Variants in ZNF587B observed in about 807,000 individuals in gnomAD.
ZNF587B encodes the protein zinc finger protein 587B.
In ZNF587B, 6 loss-of-function variants were observed where a neutral mutation model predicts 7.2. The ratio of observed to expected loss-of-function variants is 0.83; its 90% CI spans 0.46 to 1.65. The LOEUF is 1.65. Ranked by LOEUF, ZNF587B falls within the 40% of genes most tolerant of loss-of-function variation. ZNF587B has a pLI of 0.01. For synonymous variants in ZNF587B, 274 were observed against 254.3 expected, an observed-to-expected ratio of 1.08 and a Z score of -0.74; for missense variants, 749 against 761.0, an observed-to-expected ratio of 0.98 and a Z score of 0.19.
chr19:57,837,794 A>G (rs967058054), intron 1 of ZNF587B, among the ~76,000 whole-genome samples: 15 of 151,948 alleles, frequency 9.9e-5, no homozygotes, highest in African/African-American at 3.6e-4. Context: ...TATATTGGCC[A>G]GGCTGGTCTC....
intron 1 of ZNF587B, among the ~76,000 whole-genome samples, chr19:57,838,700 C>CTGGA (rs1193847060): frequency 1.3e-5 from 2 of 152,110 alleles, no homozygotes; most frequent in Non-Finnish European, 2.9e-5. Context: ...TGGAATGTAC[C>CTGGA]TGGAAGTCTA....
At position 57,841,480 on chromosome 19, in the gene ZNF587B, C is replaced by T. The variant is rs372587053; in HGVS notation, c.806C>T (p.Pro269Leu). The T allele has an allele frequency of 1.3e-5, 21 of 1,585,630 alleles. No homozygotes were observed. The South Asian group carries it at 2.0e-4, about 15-fold the overall frequency. The stretch of plus-strand genomic sequence containing the variant: ...CAGAGAGTTCACAGTGGAAAAAGAC[C>T]TTATGAATGTGGAGAATGTGAGAAA... ...NHQRVHSGKRPYECGECEKSF... is the reference protein window; with the variant it reads ...NHQRVHSGKRLYECGECEKSF... Residue 269 changes from proline to leucine, a missense_variant, in exon 3 of 3, where the codon CCT (proline) becomes CTT (leucine). This residue lies in a region of ZNF587B where 656 missense variants were observed against 596.5 expected (regional missense o/e 1.10). Transcript: ENST00000594901.
Position 57,843,499 on chromosome 19 carries a change from C to T in ZNF587B, c.*923C>T, listed in dbSNP as rs75222006. The T allele has an allele frequency of 0.017, 16,360 of 984,046 alleles. 300 individuals carry two copies. The highest frequency in any genetic ancestry group is 0.084 in the African/African-American group (4,772 of 56,806). The allele number at this position is 984,046 out of a possible 1,614,324, so 61.0% of individuals were successfully genotyped here. ...CCCACATTGCATCATTCACCTATTT[C>T]GTATTCTAGAAGTATATTTTGGTTG... On this transcript the variant is annotated 3_prime_UTR_variant, in exon 3 of 3. Coordinates refer to ENST00000594901, the MANE Select transcript of ZNF587B (RefSeq NM_001376223.1).
chr19:57,831,786 C>G (rs576725483), intron 1 of ZNF587B, among the ~76,000 whole-genome samples: 97 of 148,690 alleles, frequency 6.5e-4, no homozygotes, highest in African/African-American at 2.3e-3. Context: ...CTCACTGCAA[C>G]CTCCGCCTGC....
intron 1 of ZNF587B, among the ~76,000 whole-genome samples, chr19:57,831,313 A>G (rs1043665477): frequency 1.3e-5 from 2 of 152,246 alleles, no homozygotes; most frequent in Non-Finnish European, 2.9e-5. Context: ...AAGGTTGGGC[A>G]TTACATCACA....
Position 57,843,211 on chromosome 19 carries a change from C to T in ZNF587B, c.*635C>T, listed in dbSNP as rs966015261. On this transcript the variant is annotated 3_prime_UTR_variant, in exon 3 of 3. Transcript: ENST00000594901. ...TTTTACCATGTTTCCAGGCTGGTAT[C>T]GAACTCCTGAGCTCAAGCAATCTGT... 15 of 800,474 alleles carry T rather than the reference C, an allele frequency of 1.9e-5. No homozygotes were observed. The highest frequency in any genetic ancestry group is 6.4e-4 in the Middle Eastern group (1 of 1,574). 49.6% of individuals were successfully genotyped at this position (800,474 alleles called of 1,614,324 possible).
chr19:57,837,162 C>T (rs1259808019), intron 1 of ZNF587B, among the ~76,000 whole-genome samples: 3 of 152,090 alleles, frequency 2.0e-5, no homozygotes, highest in Non-Finnish European at 4.4e-5. Flanking sequence ...GCTTGCATGC[C>T]ATGGCCGTGG....
chr19:57,840,201 A>G (rs1988786551), intron 2 of ZNF587B, among the ~76,000 whole-genome samples: 1 of 151,448 alleles, frequency 6.6e-6, no homozygotes, highest in African/African-American at 2.4e-5. Flanking sequence ...TTGTGGCAAG[A>G]GAAGTAGGCA....
At chr19:57,838,172 T>C (rs1988700387) in intron 1 of ZNF587B, among the ~76,000 whole-genome samples, 2 of 151,400 alleles carry the variant, frequency 1.3e-5, no homozygotes, top group African/African-American at 2.4e-5. Flanking sequence ...CCAGGTGTGG[T>C]GGTGCACACC....
chr19:57,843,824 ACTC>A lies in ZNF587B; in HGVS notation c.*1251_*1253del, dbSNP rs1988974093. 9.5e-5 allele frequency among the ~76,000 whole-genome samples: 14 copies of A among 147,208 alleles called. 1 individual carries two copies. The South Asian group carries it at 3.0e-3, about 32-fold the overall frequency. ...ACTATGTTGGTCAAACTGATCTTGA[ACTC>A]CTAACCTCGTGATCCACCTGCCTTG... On this transcript the variant is annotated 3_prime_UTR_variant, in exon 3 of 3. Transcript: ENST00000594901.
rs1988327528 is a variant in ZNF587B, at chr19:57,830,423, C to G, written c.-106C>G. Reference sequence around the variant, plus strand: ...CAGAGGCGACTCTGGAGCTCTGTGACGGCGCCAAGCGTGACCCACCCCTGG... The same window carrying G: ...CAGAGGCGACTCTGGAGCTCTGTGAGGGCGCCAAGCGTGACCCACCCCTGG... On this transcript the variant is annotated 5_prime_UTR_variant, in exon 1 of 3. Coordinates refer to ENST00000594901, the MANE Select transcript of ZNF587B (RefSeq NM_001376223.1). 2.7e-5 allele frequency: 33 copies of G among 1,242,458 alleles called. No homozygotes were observed. The South Asian group carries it at 4.1e-4, about 16-fold the overall frequency. 77.0% of individuals were successfully genotyped at this position (1,242,458 alleles called of 1,614,324 possible).
In ZNF587B at chr19:57,844,162, C is replaced by A; in HGVS notation, c.*1586C>A. On this transcript the variant is annotated 3_prime_UTR_variant, in exon 3 of 3. Coordinates refer to ENST00000594901, the MANE Select transcript of ZNF587B (RefSeq NM_001376223.1). ...CTTTCTGATAAGTTACACCATGGAC[C>A]TTCCCCATTTTTGTCCCAGAGGACT... The A allele has an allele frequency of 2.7e-6, 1 of 371,672 alleles. No homozygotes were observed. The highest frequency in any genetic ancestry group is 5.2e-6 in the Non-Finnish European group (1 of 191,504). 23.0% of individuals were successfully genotyped at this position (371,672 alleles called of 1,614,324 possible). A position where few individuals can be genotyped will look rare whatever the true frequency, so the allele number is the denominator to read the frequency against.
At chr19:57,831,707 T>A (rs1259971480) in intron 1 of ZNF587B, among the ~76,000 whole-genome samples, 1 of 150,714 alleles carries the variant, frequency 6.6e-6, no homozygotes, top group African/African-American at 2.4e-5. Flanking sequence ...TTTATTTATT[T>A]ATTTTTTTTT....
intron 1 of ZNF587B, among the ~76,000 whole-genome samples, chr19:57,831,052 G>A (rs1988366781): frequency 6.6e-6 from 1 of 152,196 alleles, no homozygotes; most frequent in Non-Finnish European, 1.5e-5. Flanking sequence ...GGGGGGCTTT[G>A]GGCGTTATCA....
chr19:57,830,543 C>T lies in ZNF587B; in HGVS notation c.15C>T (p.Ala5=). The part of the protein sequence containing the change: MAVV[A]TLRLSAQGTV... ...CACGTGGTTCGATGGCGGTGGTGGC[C>T]ACGCTGAGGCTCTCTGCTCAGGTAA... Residue 5 remains alanine, a synonymous_variant, in exon 1 of 3, where the codon GCC becomes GCT. Transcript: ENST00000594901. 1 of 1,549,778 alleles carries T rather than the reference C, an allele frequency of 6.5e-7. No individual in the cohort carries two copies. Among genetic ancestry groups the T allele is most frequent in the East Asian group, 2.4e-5 (1 of 40,938 alleles).
At position 57,843,921 on chromosome 19, in the gene ZNF587B, A is replaced by T. The variant is rs1988977008; in HGVS notation, c.*1345A>T. Among the ~76,000 whole-genome samples, 1 of 151,972 alleles carries T rather than the reference A, an allele frequency of 6.6e-6. No individual in the cohort carries two copies. Among genetic ancestry groups the T allele is most frequent in the Non-Finnish European group, 1.5e-5 (1 of 67,968 alleles). On this transcript the variant is annotated 3_prime_UTR_variant, in exon 3 of 3. Transcript: ENST00000594901. ...GCCTTTTTAAAAATTTTTTAAATTT[A>T]TATTTTTTGTAGAGACAGGGTCTTG...
chr19:57,841,386 C>A lies in ZNF587B; in HGVS notation c.712C>A (p.Arg238=), dbSNP rs113335262. The change falls in exon 3 of 3, where the codon CGA becomes AGA. Residue 238 remains arginine, a synonymous_variant. Transcript: ENST00000594901. ...ILSQHQRLLP[R]EECYVCCECG... is the part of the protein sequence containing the mutation. ...CAGTCAGCACCAGAGACTTCTCCCT[C>A]GAGAAGAATGTTATGTGTGCTGTGA... 4,520 of 1,584,312 alleles carry A rather than the reference C, an allele frequency of 2.9e-3. 13 individuals are homozygous for A. Among genetic ancestry groups the A allele is most frequent in the Non-Finnish European group, 3.6e-3 (4,170 of 1,163,234 alleles).
In ZNF587B at chr19:57,843,018, G is replaced by T; in HGVS notation, c.*442G>T. ...TATTATTTTTTCCTTTTTTTGGAGA[G>T]ACGGTCTCACTCCATCACCCATGCT... is the stretch of plus-strand genomic sequence containing the variant. On this transcript the variant is annotated 3_prime_UTR_variant, in exon 3 of 3. Transcript: ENST00000594901. 3 of 973,516 alleles carry T rather than the reference G, an allele frequency of 3.1e-6. No individual in the cohort carries two copies. The highest frequency in any genetic ancestry group is 3.7e-6 in the Non-Finnish European group (3 of 819,186). The allele number at this position is 973,516 out of a possible 1,614,324, so 60.3% of individuals were successfully genotyped here. A position where few individuals can be genotyped will look rare whatever the true frequency, so the allele number is the denominator to read the frequency against.
At chr19:57,837,272 T>C (rs1266427673) in intron 1 of ZNF587B, among the ~76,000 whole-genome samples, 5 of 152,120 alleles carry the variant, frequency 3.3e-5, no homozygotes, top group African/African-American at 1.2e-4. Flanking sequence ...TTTTTTTTTT[T>C]TGAGGCACAA....
Sources: allele counts gnomAD v4.1 joint callset (sites outside exome capture counted in the v4.1 genomes callset), GRCh38; gene constraint gnomAD v4.1.1; regional missense constraint gnomAD v4.1.1; transcripts MANE v1.5; gene names NCBI Gene and HGNC (gene_info 2026-07-23, HGNC 2026-07-21).